Variants in FGD4 observed in about 807,000 individuals in gnomAD.
The protein encoded by FGD4 is FYVE, RhoGEF and PH domain-containing protein 4.
A neutral mutation model predicts 102.0 loss-of-function variants in FGD4; 42 were observed. The ratio of observed to expected loss-of-function variants is 0.41; its 90% CI spans 0.32 to 0.53. FGD4 has a LOEUF of 0.53. Ranked by LOEUF, FGD4 falls within the 20% of genes least tolerant of loss-of-function variation. The probability of loss-of-function intolerance (pLI) is 0.21; values close to 1 mark genes in which losing one functional copy is unlikely to be tolerated. For missense variants in FGD4, 902 were observed against 1,078.2 expected (o/e 0.84, Z 2.29); for synonymous variants, 380 against 375.7 (o/e 1.01, Z -0.13).
At chr12:32,539,033 G>A (rs1285356468) in intron 1 of FGD4, among the ~76,000 whole-genome samples, 1 of 151,878 alleles carries the variant, frequency 6.6e-6, no homozygotes, top group African/African-American at 2.4e-5. Context: ...CAGCCTAGGT[G>A]ACAGAGGGAG....
Position 32,608,067 on chromosome 12 carries a change from T to A in FGD4, c.1515T>A (p.Pro505=). 6.2e-7 allele frequency: 1 copy of A among 1,614,250 alleles called. No homozygotes were observed. The highest frequency in any genetic ancestry group is 8.5e-7 in the Non-Finnish European group (1 of 1,180,032). ...LLKDYLRKLP[P]DSLDWNDAKK... is the part of the protein sequence containing the mutation. ...AGGACTATCTAAGGAAATTGCCTCC[T>A]GATTCCCTGGACTGGAATGATGCTA... Residue 505 remains proline (P), a synonymous_variant, in exon 8 of 17, where the codon CCT becomes CCA. Coordinates refer to ENST00000534526, the MANE Select transcript of FGD4 (RefSeq NM_001370298.3).
rs1288987671 is a variant in FGD4 at position 32,453,219 on chromosome 12, TAATATAGATATATATA to T, written c.166+53261_166+53276del. Among the ~76,000 whole-genome samples, 53 of 109,820 alleles carry T rather than the reference TAATATAGATATATATA, an allele frequency of 4.8e-4. 1 individual carries two copies. Among genetic ancestry groups the T allele is most frequent in the Middle Eastern group, 5.2e-3 (1 of 194 alleles). The allele number at this position is 109,820 out of a possible 152,430, so 72.0% of individuals were successfully genotyped here. The stretch of plus-strand genomic sequence containing the variant: ...TATATATTATATATATATATATATA[TAATATAGATATATATA>T]TATTTTTTTTTTTTTAAATGTAGAG... On this transcript the variant is annotated intron_variant, in intron 1 of 16. Coordinates refer to ENST00000534526, the MANE Select transcript of FGD4 (RefSeq NM_001370298.3).
intron 1 of FGD4, among the ~76,000 whole-genome samples, chr12:32,472,122 T>C (rs58632707): frequency 0.37 from 56,678 of 152,044 alleles, 11,487 homozygotes; most frequent in South Asian, 0.51. Context: ...GAGGTGACAG[T>C]GTGCTGGCAG....
chr12:32,417,955 C>CTTTTTT, intron 1 of FGD4, among the ~76,000 whole-genome samples: 1 of 105,170 alleles, frequency 9.5e-6, no homozygotes, highest in Non-Finnish European at 1.8e-5. Context: ...TGTCTTAGTT[C>CTTTTTT]TTTTTTTTTT....
chr12:32,567,967 C>T (rs1945328477), intron 2 of FGD4, among the ~76,000 whole-genome samples: 1 of 152,202 alleles, frequency 6.6e-6, no homozygotes, highest in African/African-American at 2.4e-5. Flanking sequence ...GGATTACAGG[C>T]ATGAGCCACT....
intron 1 of FGD4, among the ~76,000 whole-genome samples, chr12:32,442,080 G>A (rs1480398776): frequency 6.7e-6 from 1 of 148,484 alleles, no homozygotes; most frequent in Admixed American, 6.7e-5. Context: ...TGGAGACGGA[G>A]TCTCGCTGTG....
intron 1 of FGD4, among the ~76,000 whole-genome samples, chr12:32,476,759 C>G (rs1211982320): frequency 6.6e-6 from 1 of 152,100 alleles, no homozygotes; most frequent in South Asian, 2.1e-4. Flanking sequence ...AGATTAAGCT[C>G]GCATTTGGCA....
chr12:32,438,551 T>C (rs1942311127), intron 1 of FGD4, among the ~76,000 whole-genome samples: 1 of 151,972 alleles, frequency 6.6e-6, no homozygotes, highest in African/African-American at 2.4e-5. Context: ...TTAGTTGTTT[T>C]TTTAATTGTC....
At chr12:32,507,038 C>A (rs1938830036) in intron 1 of FGD4, among the ~76,000 whole-genome samples, 1 of 151,524 alleles carries the variant, frequency 6.6e-6, no homozygotes, top group African/African-American at 2.4e-5. Flanking sequence ...ATTAACTCGT[C>A]ATTTAGCATT....
intron 1 of FGD4, among the ~76,000 whole-genome samples, chr12:32,526,158 G>C (rs1280270102): frequency 6.6e-6 from 1 of 152,264 alleles, no homozygotes; most frequent in African/African-American, 2.4e-5. Context: ...GACATGGAGA[G>C]TCTTTATATC....
Position 32,537,791 on chromosome 12 carries a change from G to A in FGD4, c.167-26346G>A, listed in dbSNP as rs193034376. Among the ~76,000 whole-genome samples the A allele has an allele frequency of 7.9e-5, 12 of 152,292 alleles. No homozygotes were observed. The East Asian group carries it at 1.5e-3, about 20-fold the overall frequency. ...TACTCAGCTAGCAGAGTATTAGTGA[G>A]ACCTCCTTGTCCTCCCTGTATATAG... On this transcript the variant is annotated intron_variant, in intron 1 of 16. Transcript: ENST00000534526.
At chr12:32,428,958 A>T (rs7299524) in intron 1 of FGD4, among the ~76,000 whole-genome samples, 20,180 of 152,080 alleles carry the variant, frequency 0.13, 1,500 homozygotes, top group Middle Eastern at 0.21. Context: ...GCTTCCTTGC[A>T]TTGGGTTAGA....
At chr12:32,434,616 A>C (rs2651363) in intron 1 of FGD4, among the ~76,000 whole-genome samples, 60,591 of 152,038 alleles carry the variant, frequency 0.4, 12,729 homozygotes, top group African/African-American at 0.52. Context: ...GACTTTTGTG[A>C]TTCCAGTAGC....
chr12:32,570,958 A>G (rs945756690), intron 2 of FGD4, among the ~76,000 whole-genome samples: 35 of 152,154 alleles, frequency 2.3e-4, no homozygotes, highest in African/African-American at 8.2e-4. Flanking sequence ...TAGATGTTAT[A>G]TGGTTATCTT....
At chr12:32,464,621 T>C (rs1943201826) in intron 1 of FGD4, among the ~76,000 whole-genome samples, 1 of 152,224 alleles carries the variant, frequency 6.6e-6, no homozygotes, top group Non-Finnish European at 1.5e-5. Context: ...TGAGAGCTTC[T>C]ATGTACTAGG....
intron 1 of FGD4, among the ~76,000 whole-genome samples, chr12:32,502,534 T>A (rs534042950): frequency 4.6e-5 from 7 of 152,236 alleles, no homozygotes; most frequent in South Asian, 2.1e-4. Context: ...TGAAAAAAAA[T>A]TTAATCTTTT....
At chr12:32,576,873 G>C (rs180965933) in intron 3 of FGD4, among the ~76,000 whole-genome samples, 2 of 152,044 alleles carry the variant, frequency 1.3e-5, no homozygotes, top group Non-Finnish European at 2.9e-5. Context: ...CTGTGGGCTT[G>C]TCTCCTCCCT....
chr12:32,491,396 CA>C (rs1257397340), intron 1 of FGD4, among the ~76,000 whole-genome samples: 4 of 152,172 alleles, frequency 2.6e-5, no homozygotes, highest in African/African-American at 4.8e-5. Context: ...CTGAGGTCTA[CA>C]AGCCTCCTTT....
chr12:32,617,594 A>G (rs765841956), intron 10 of FGD4, among the ~76,000 whole-genome samples: 5 of 152,244 alleles, frequency 3.3e-5, no homozygotes, highest in Admixed American at 6.5e-5. Context: ...TTGCCTCGCT[A>G]GTCTGAGATT....
Sources: allele counts gnomAD v4.1 joint callset (sites outside exome capture counted in the v4.1 genomes callset), GRCh38; gene constraint gnomAD v4.1.1; transcripts MANE v1.5; gene names NCBI Gene and HGNC (gene_info 2026-07-23, HGNC 2026-07-21).